The following DNAJC6 variants were observed in gnomAD, a reference collection of about 807,000 sequenced individuals.
DNAJC6 encodes DnaJ heat shock protein family (Hsp40) member C6, also known as auxilin.
Under a neutral mutation model 110.0 loss-of-function variants are expected in DNAJC6, and 34 were observed. That is an observed-to-expected ratio of 0.31 (90% CI 0.24 to 0.41). DNAJC6 has a LOEUF of 0.41. DNAJC6 is among the 10% of genes least tolerant of loss of function. The pLI, the probability that DNAJC6 is intolerant of heterozygous loss-of-function variation, is 1.00. For synonymous variants in DNAJC6, 406 were observed against 437.2 expected (o/e 0.93, Z 0.89); for missense variants, 1,031 against 1,207.8 (o/e 0.85, Z 2.17).
Position 65,405,775 on chromosome 1 carries a change from A to G in DNAJC6, c.2228-95A>G, listed in dbSNP as rs184372901. 3.0e-4 allele frequency: 414 copies of G among 1,385,686 alleles called. 1 individual carries two copies. The highest frequency in any genetic ancestry group is 1.8e-3 in the Middle Eastern group (7 of 3,914). The allele number at this position is 1,385,686 out of a possible 1,614,324, so 85.8% of individuals were successfully genotyped here. ...ATTACTTATGCTGTCAGTCAAGGGA[A>G]TGACTATTAAAGCCACTGCAAACAG... On this transcript the variant is annotated intron_variant, in intron 15 of 18. Transcript: ENST00000371069.
chr1:65,320,570 A>G (rs1406651023), intron 1 of DNAJC6, among the ~76,000 whole-genome samples: 1 of 152,194 alleles, frequency 6.6e-6, no homozygotes, highest in Admixed American at 6.5e-5. Context: ...ATGTAAATGA[A>G]TGCATTTGCA....
intron 1 of DNAJC6, among the ~76,000 whole-genome samples, chr1:65,360,161 A>G (rs975483401): frequency 3.9e-5 from 6 of 152,312 alleles, no homozygotes; most frequent in Middle Eastern, 3.4e-3. Flanking sequence ...CAGAATCTGC[A>G]CTTTTGGCAC....
At chr1:65,340,854 G>T (rs1321741352) in intron 1 of DNAJC6, among the ~76,000 whole-genome samples, 1 of 152,168 alleles carries the variant, frequency 6.6e-6, no homozygotes, top group African/African-American at 2.4e-5. Context: ...CTACTGAGGG[G>T]TGTTGAAAGA....
intron 1 of DNAJC6, among the ~76,000 whole-genome samples, chr1:65,282,827 A>G (rs1282915728): frequency 6.6e-6 from 1 of 152,222 alleles, no homozygotes; most frequent in Non-Finnish European, 1.5e-5. Context: ...CAGAGTCCCT[A>G]TCCAAATTAT....
chr1:65,310,343 C>G (rs557780128), intron 1 of DNAJC6, among the ~76,000 whole-genome samples: 1 of 152,264 alleles, frequency 6.6e-6, no homozygotes, highest in East Asian at 1.9e-4. Context: ...GGTGAAGGAG[C>G]ATGTGCGTTG....
intron 1 of DNAJC6, among the ~76,000 whole-genome samples, chr1:65,333,532 G>A (rs1645307517): frequency 6.6e-6 from 1 of 152,030 alleles, no homozygotes; most frequent in South Asian, 2.1e-4. Flanking sequence ...GTTGCCCAAG[G>A]TCACAGCATA....
At chr1:65,389,724 C>T in intron 11 of DNAJC6, 97 bp downstream of exon 11, 2 of 1,331,190 alleles carry the variant, frequency 1.5e-6, no homozygotes, top group Non-Finnish European at 2.1e-6. Context: ...TAAAGCAGCA[C>T]TTAGAGGTCA....
intron 1 of DNAJC6, among the ~76,000 whole-genome samples, chr1:65,340,834 T>A (rs1427793280): frequency 6.6e-6 from 1 of 152,182 alleles, no homozygotes; most frequent in Non-Finnish European, 1.5e-5. Context: ...CACTTTCTAT[T>A]TATCAGAAGC....
intron 1 of DNAJC6, among the ~76,000 whole-genome samples, chr1:65,318,019 G>A (rs950398496): frequency 9.9e-5 from 15 of 152,162 alleles, no homozygotes; most frequent in Non-Finnish European, 1.8e-4. Flanking sequence ...GAGCCCAGAT[G>A]GGTGGGAGGT....
intron 1 of DNAJC6, among the ~76,000 whole-genome samples, chr1:65,359,072 C>CT (rs764112335): frequency 1.3e-5 from 2 of 152,184 alleles, no homozygotes; most frequent in African/African-American, 2.4e-5. Context: ...AGCAGCCACA[C>CT]TTTTTTATAT....
chr1:65,295,947 A>G (rs1644924755), intron 1 of DNAJC6, among the ~76,000 whole-genome samples: 1 of 152,232 alleles, frequency 6.6e-6, no homozygotes, highest in Admixed American at 6.5e-5. Flanking sequence ...CTTGTGACCA[A>G]GGCTATAAAG....
chr1:65,352,822 G>A (rs1323224719), intron 1 of DNAJC6, among the ~76,000 whole-genome samples: 1 of 152,254 alleles, frequency 6.6e-6, no homozygotes, highest in South Asian at 2.1e-4. Flanking sequence ...TTGAGAAAAC[G>A]CTTCTTAGAG....
chr1:65,347,484 A>G (rs1426668863), intron 1 of DNAJC6, among the ~76,000 whole-genome samples: 2 of 151,114 alleles, frequency 1.3e-5, no homozygotes, highest in African/African-American at 2.4e-5. Flanking sequence ...CTCTTTATGT[A>G]TGTCCTTAAG....
chr1:65,393,014 G>A, intron 12 of DNAJC6, 149 bp downstream of exon 12: 2 of 733,630 alleles, frequency 2.7e-6, no homozygotes, highest in Non-Finnish European at 3.9e-6. Context: ...TTTAAATTGA[G>A]AGCGTAAGAG....
chr1:65,333,669 AT>A (rs145854195), intron 1 of DNAJC6, among the ~76,000 whole-genome samples: 11 of 151,566 alleles, frequency 7.3e-5, no homozygotes, highest in Non-Finnish European at 8.8e-5. Context: ...ATGACTTAGG[AT>A]TTTTTTTTCC....
chr1:65,358,598 C>G (rs1247774770), intron 1 of DNAJC6, among the ~76,000 whole-genome samples: 2 of 152,176 alleles, frequency 1.3e-5, no homozygotes, highest in South Asian at 2.1e-4. Context: ...AATTGTTTCT[C>G]TAAACTGAGA....
At chr1:65,309,537 C>A (rs1319945766), upstream of DNAJC6, 10 of 1,203,668 alleles carry the variant, frequency 8.3e-6, no homozygotes, top group African/African-American at 4.9e-5. Flanking sequence ...CTCCTCCCGG[C>A]GCCCCGAGCC....
Position 65,309,803 on chromosome 1 carries a change from C to A in DNAJC6, c.58C>A (p.Gln20Lys), listed in dbSNP as rs1416400614. 1 of 1,549,686 alleles carries A rather than the reference C, an allele frequency of 6.5e-7. No individual in the cohort carries two copies. Among genetic ancestry groups the A allele is most frequent in the Non-Finnish European group, 8.7e-7 (1 of 1,146,628 alleles). The change falls in exon 1 of 19, where the codon CAG (glutamine) becomes AAG (lysine). Residue 20 changes from glutamine to lysine, a missense_variant. By Grantham distance (53) the Gln-to-Lys change is moderately conservative. Transcript: ENST00000371069. ...CAGCAACGATGGTTATGAATCTTTGCAGCTGGTGGACAGTAACGGGGACTT... is the reference window on the plus strand; with the variant it reads ...CAGCAACGATGGTTATGAATCTTTGAAGCTGGTGGACAGTAACGGGGACTT... ...KTSNDGYESL[Q>K]LVDSNGDLSA... is the part of the protein sequence containing the mutation.
chr1:65,274,990 G>A (rs563792332), intron 1 of DNAJC6, among the ~76,000 whole-genome samples: 12 of 152,222 alleles, frequency 7.9e-5, no homozygotes, highest in Non-Finnish European at 1.2e-4. Context: ...AATGTTAGGC[G>A]CTTAGAAGAC....
Sources: gnomAD v4.1 joint callset for allele counts (sites outside exome capture counted in the v4.1 genomes callset) on GRCh38, gnomAD v4.1.1 for gene constraint, MANE v1.5 for transcripts, NCBI Gene and HGNC (gene_info 2026-07-23, HGNC 2026-07-21) for gene names.